KIAA1328: variants seen among roughly 807,000 people sequenced by gnomAD.
KIAA1328 encodes protein hinderin.
A neutral mutation model predicts 68.1 loss-of-function variants in KIAA1328; 52 were observed. That is an observed-to-expected ratio of 0.76 (90% CI 0.61 to 0.96). The LOEUF is 0.96. Ranked by LOEUF, KIAA1328 falls within the 40% of genes least tolerant of loss-of-function variation. The pLI, the probability that KIAA1328 is intolerant of heterozygous loss-of-function variation, is 0.00. For missense variants in KIAA1328, 641 were observed against 677.6 expected (o/e 0.95, Z 0.60); for synonymous variants, 232 against 239.4 (o/e 0.97, Z 0.28).
At chr18:37,145,991 C>T (rs2058889006) in intron 7 of KIAA1328, among the ~76,000 whole-genome samples, 1 of 152,076 alleles carries the variant, frequency 6.6e-6, no homozygotes, top group South Asian at 2.1e-4. Context: ...TTTGCTTCCC[C>T]CGCTCCCAAT....
chr18:37,146,141 AG>A (rs2154208933), intron 7 of KIAA1328, among the ~76,000 whole-genome samples: 1 of 152,026 alleles, frequency 6.6e-6, no homozygotes, highest in Non-Finnish European at 1.5e-5. Context: ...TTTGTTATAT[AG>A]AAACTTGTAT....
At chr18:37,119,854 A>T (rs187949296) in intron 7 of KIAA1328, among the ~76,000 whole-genome samples, 1 of 152,278 alleles carries the variant, frequency 6.6e-6, no homozygotes, top group East Asian at 1.9e-4. Flanking sequence ...ACCCAGTTGC[A>T]GTGAGTTCGC....
chr18:37,003,844 G>T (rs2053679431), intron 6 of KIAA1328, among the ~76,000 whole-genome samples: 1 of 152,034 alleles, frequency 6.6e-6, no homozygotes, highest in Non-Finnish European at 1.5e-5. Context: ...TGGATACGGT[G>T]TTCTTTCCCC....
chr18:37,115,428 A>C (rs2058076681), intron 7 of KIAA1328, among the ~76,000 whole-genome samples: 1 of 152,224 alleles, frequency 6.6e-6, no homozygotes, highest in African/African-American at 2.4e-5. Context: ...TGATTATCTC[A>C]ATAGATGCAG....
intron 7 of KIAA1328, among the ~76,000 whole-genome samples, chr18:37,147,307 C>T (rs2058924739): frequency 6.6e-6 from 1 of 152,110 alleles, no homozygotes; most frequent in Admixed American, 6.6e-5. Context: ...CTGCCAAGTT[C>T]AACATGTGGG....
At chr18:37,074,172 C>G (rs1326366246) in intron 7 of KIAA1328, among the ~76,000 whole-genome samples, 1 of 152,168 alleles carries the variant, frequency 6.6e-6, no homozygotes, top group East Asian at 1.9e-4. Flanking sequence ...CTGCTCCTTT[C>G]CTGATCCTTT....
At chr18:37,163,256 G>T (rs1255401134) in intron 8 of KIAA1328, among the ~76,000 whole-genome samples, 1 of 152,220 alleles carries the variant, frequency 6.6e-6, no homozygotes, top group Non-Finnish European at 1.5e-5. Context: ...AGCAGAGGCT[G>T]TGAAGCCACT....
intron 5 of KIAA1328, among the ~76,000 whole-genome samples, chr18:36,912,643 A>G (rs1345179933): frequency 6.6e-6 from 1 of 152,126 alleles, no homozygotes; most frequent in Non-Finnish European, 1.5e-5. Flanking sequence ...TACATGCAAA[A>G]TATATTCACC....
intron 4 of KIAA1328, among the ~76,000 whole-genome samples, chr18:36,870,816 A>G (rs1189984085): frequency 3.3e-5 from 5 of 152,220 alleles, no homozygotes; most frequent in Non-Finnish European, 7.3e-5. Context: ...GTCTTCTTCA[A>G]TTCAGTCTTT....
At chr18:36,881,659 C>T (rs949942016) in intron 4 of KIAA1328, among the ~76,000 whole-genome samples, 3 of 152,158 alleles carry the variant, frequency 2.0e-5, no homozygotes, top group African/African-American at 7.2e-5. Context: ...TAATTTCTTT[C>T]TCAATGGATT....
chr18:37,057,901 C>T (rs1454443543), intron 6 of KIAA1328, among the ~76,000 whole-genome samples: 4 of 152,022 alleles, frequency 2.6e-5, no homozygotes, highest in Non-Finnish European at 5.9e-5. Flanking sequence ...TTGTATGGCC[C>T]TTTACAAAAA....
At chr18:36,978,384 C>T (rs1245443998) in intron 6 of KIAA1328, among the ~76,000 whole-genome samples, 1 of 152,132 alleles carries the variant, frequency 6.6e-6, no homozygotes, top group East Asian at 1.9e-4. Context: ...ACTGGTTAGG[C>T]ATAGTAAGAT....
At chr18:36,922,815 T>A (rs1598723663) in intron 5 of KIAA1328, among the ~76,000 whole-genome samples, 1 of 152,292 alleles carries the variant, frequency 6.6e-6, no homozygotes, top group South Asian at 2.1e-4. Flanking sequence ...GTTTCATTTT[T>A]CAAGTTACTT....
At chr18:36,966,009 G>A (rs1427840992) in intron 6 of KIAA1328, among the ~76,000 whole-genome samples, 1 of 151,524 alleles carries the variant, frequency 6.6e-6, no homozygotes, top group East Asian at 1.9e-4. Flanking sequence ...AACAAGAATT[G>A]TTCCTTGCTA....
At chr18:36,854,818 G>A (rs954540373) in intron 4 of KIAA1328, among the ~76,000 whole-genome samples, 2 of 151,776 alleles carry the variant, frequency 1.3e-5, no homozygotes, top group Admixed American at 1.3e-4. Context: ...ATAAATAAAC[G>A]GTATTTATTT....
At chr18:37,129,926 T>A (rs910819735) in intron 7 of KIAA1328, among the ~76,000 whole-genome samples, 1 of 152,142 alleles carries the variant, frequency 6.6e-6, no homozygotes, top group Admixed American at 6.5e-5. Context: ...AAGAGAGAAT[T>A]TCACCAATTA....
rs1252363965 is a variant in KIAA1328, at chr18:36,895,683, C to T, written c.448+10011C>T. The T allele has an allele frequency of 2.2e-5, 10 of 448,556 alleles. No homozygotes were observed. The Middle Eastern group carries it at 1.1e-3, about 47-fold the overall frequency. 27.8% of individuals were successfully genotyped at this position (448,556 alleles called of 1,614,324 possible). ...TATTTATTTGTTACTTAAGAATTTG[C>T]GATGGACTGAATTGTGTCCCTTCAA... On this transcript the variant is annotated intron_variant, in intron 5 of 9. Coordinates refer to ENST00000280020, the MANE Select transcript of KIAA1328 (RefSeq NM_020776.3).
At chr18:37,024,494 A>T (rs1436391992) in intron 6 of KIAA1328, among the ~76,000 whole-genome samples, 1 of 151,898 alleles carries the variant, frequency 6.6e-6, no homozygotes, top group African/African-American at 2.4e-5. Flanking sequence ...CATCATTTAC[A>T]TTAGGTATAT....
chr18:37,144,599 C>T (rs1374455603), intron 7 of KIAA1328, among the ~76,000 whole-genome samples: 3 of 152,018 alleles, frequency 2.0e-5, no homozygotes, highest in African/African-American at 7.2e-5. Flanking sequence ...TTCAGTGGTA[C>T]AATCTTGGAT....
Sources: gnomAD v4.1 joint callset for allele counts (sites outside exome capture counted in the v4.1 genomes callset) on GRCh38, gnomAD v4.1.1 for gene constraint, MANE v1.5 for transcripts, NCBI Gene and HGNC (gene_info 2026-07-23, HGNC 2026-07-21) for gene names.